Variants in STRBP observed in about 807,000 individuals in gnomAD.
The protein encoded by STRBP is spermatid perinuclear RNA binding protein.
A neutral mutation model predicts 80.1 loss-of-function variants in STRBP; 13 were observed. The observed-to-expected ratio is 0.16, with a 90% CI of 0.11 to 0.26. The LOEUF is 0.26. Ranked by LOEUF, STRBP falls within the 10% of genes least tolerant of loss-of-function variation. STRBP has a pLI of 1.00. For missense variants in STRBP, 485 were observed against 815.2 expected, an observed-to-expected ratio of 0.59 and a Z score of 4.93; for synonymous variants, 284 against 291.2, an observed-to-expected ratio of 0.98 and a Z score of 0.25.
rs1337683834 is a variant in STRBP, at chr9:123,158,032, C to G, written c.1025G>C (p.Trp342Ser). 2 of 1,609,398 alleles carry G rather than the reference C, an allele frequency of 1.2e-6. No individual in the cohort carries two copies. The highest frequency in any genetic ancestry group is 1.7e-6 in the Non-Finnish European group (2 of 1,178,428). Residue 342 changes from tryptophan (W) to serine (S), a missense_variant, in exon 11 of 19, where the codon TGG becomes TCG. Trp to Ser is a radical substitution (Grantham distance 177). Transcript: ENST00000348403. ...CTCACCTTCTTTATCAGTAACTGACCAGGAATACTTCTGAAAAGGCTTACT... is the reference window on the plus strand; with the variant it reads ...CTCACCTTCTTTATCAGTAACTGACGAGGAATACTTCTGAAAAGGCTTACT... ...PSSKPFQKYS[W>S]SVTDKEGAGS... is the part of the protein sequence containing the mutation.
At chr9:123,252,813 C>G (rs2040944769) in intron 1 of STRBP, among the ~76,000 whole-genome samples, 1 of 152,092 alleles carries the variant, frequency 6.6e-6, no homozygotes, top group Non-Finnish European at 1.5e-5. Context: ...TTACCCAAAG[C>G]CAGCATATTT....
chr9:123,172,591 C>T (rs1323144934), intron 5 of STRBP, among the ~76,000 whole-genome samples: 1 of 152,104 alleles, frequency 6.6e-6, no homozygotes, highest in Non-Finnish European at 1.5e-5. Context: ...TGTTCTGTCA[C>T]TTTAAAAACC....
intron 2 of STRBP, among the ~76,000 whole-genome samples, chr9:123,218,366 T>TTC: frequency 7.1e-6 from 1 of 140,862 alleles, no homozygotes; most frequent in Admixed American, 7.0e-5. Flanking sequence ...TTTTTTTTTT[T>TTC]TTTTTTTTTT....
At chr9:123,178,443 T>C (rs2038315257) in intron 4 of STRBP, among the ~76,000 whole-genome samples, 2 of 152,220 alleles carry the variant, frequency 1.3e-5, no homozygotes, top group South Asian at 4.1e-4. Flanking sequence ...ACACTTAGAA[T>C]ATGCTACTAT....
intron 6 of STRBP, among the ~76,000 whole-genome samples, chr9:123,163,154 T>TG (rs1237297523): frequency 6.6e-6 from 1 of 152,132 alleles, no homozygotes; most frequent in Non-Finnish European, 1.5e-5. Context: ...AGGGAGACAA[T>TG]GGAAGAGGGA....
At chr9:123,246,738 AG>A (rs936572791) in intron 1 of STRBP, among the ~76,000 whole-genome samples, 10 of 152,252 alleles carry the variant, frequency 6.6e-5, no homozygotes, top group African/African-American at 2.2e-4. Context: ...AGCTATTCAA[AG>A]GAAAATTGTA....
At chr9:123,211,157 A>G (rs1389698241) in intron 2 of STRBP, among the ~76,000 whole-genome samples, 2 of 152,244 alleles carry the variant, frequency 1.3e-5, no homozygotes, top group South Asian at 4.1e-4. Context: ...ATTCACAGGT[A>G]AATGAATTAA....
chr9:123,245,569 G>A (rs2040783932), intron 1 of STRBP, among the ~76,000 whole-genome samples: 1 of 152,132 alleles, frequency 6.6e-6, no homozygotes, highest in Non-Finnish European at 1.5e-5. Context: ...TTTTAGTAGA[G>A]ATGGGGTTTC....
chr9:123,152,688 G>C (rs953164385), intron 11 of STRBP, among the ~76,000 whole-genome samples: 1 of 152,106 alleles, frequency 6.6e-6, no homozygotes, highest in Non-Finnish European at 1.5e-5. Flanking sequence ...AAATTATGGA[G>C]ATGGGTAAAT....
At chr9:123,148,225 G>C (rs1308075261) in intron 11 of STRBP, among the ~76,000 whole-genome samples, 1 of 152,146 alleles carries the variant, frequency 6.6e-6, no homozygotes, top group Non-Finnish European at 1.5e-5. Flanking sequence ...AAGGTGATTA[G>C]GTTATGAGGG....
chr9:123,155,052 G>T (rs147966519), intron 11 of STRBP, among the ~76,000 whole-genome samples: 47 of 152,322 alleles, frequency 3.1e-4, no homozygotes, highest in Non-Finnish European at 5.4e-4. Flanking sequence ...GAGGGGATGT[G>T]ATAGTGGGTA....
At chr9:123,211,411 TTC>T (rs1287278869) in intron 2 of STRBP, among the ~76,000 whole-genome samples, 1 of 152,170 alleles carries the variant, frequency 6.6e-6, no homozygotes, top group Non-Finnish European at 1.5e-5. Context: ...CAGGTTTGAA[TTC>T]TGTCGAGGAA....
At chr9:123,216,632 G>A (rs994600620) in intron 2 of STRBP, among the ~76,000 whole-genome samples, 1 of 152,138 alleles carries the variant, frequency 6.6e-6, no homozygotes, top group African/African-American at 2.4e-5. Flanking sequence ...TCCTGACCAC[G>A]ATTCATTCTA....
chr9:123,170,220 C>T (rs1184643622), intron 5 of STRBP, among the ~76,000 whole-genome samples, 174 bp from the exon 6 acceptor site: 2 of 152,130 alleles, frequency 1.3e-5, no homozygotes, highest in Non-Finnish European at 2.9e-5. Context: ...TCTCTCCTCC[C>T]AACTTACAAG....
intron 5 of STRBP, among the ~76,000 whole-genome samples, chr9:123,172,073 G>A (rs72616644): frequency 0.088 from 13,409 of 152,250 alleles, 1,695 homozygotes; most frequent in East Asian, 0.61. Context: ...TTCAAAACAG[G>A]AGAGATGTGA....
downstream of STRBP, among the ~76,000 whole-genome samples, chr9:123,119,743 C>T (rs117988419): frequency 0.016 from 2,489 of 152,230 alleles, 36 homozygotes; most frequent in South Asian, 0.07. Flanking sequence ...TCACTGAGTA[C>T]GTACTCTGCA....
intron 1 of STRBP, among the ~76,000 whole-genome samples, chr9:123,256,436 A>G (rs10985915): frequency 0.3 from 44,885 of 152,084 alleles, 13,726 homozygotes; most frequent in African/African-American, 0.79. Flanking sequence ...GCGACGTTAG[A>G]GGAAATAACA....
intron 3 of STRBP, among the ~76,000 whole-genome samples, chr9:123,179,576 G>T (rs2038367166): frequency 6.6e-6 from 1 of 151,928 alleles, no homozygotes; most frequent in Non-Finnish European, 1.5e-5. Flanking sequence ...AGGAGTTTGA[G>T]GCCAGCCTGG....
chr9:123,267,779 C>G (rs2041304505), intron 1 of STRBP, among the ~76,000 whole-genome samples: 2 of 151,350 alleles, frequency 1.3e-5, no homozygotes, highest in African/African-American at 4.9e-5. Flanking sequence ...TCCAGTCCTG[C>G]TCGAGTCCCC....
Sources: allele counts gnomAD v4.1 joint callset (sites outside exome capture counted in the v4.1 genomes callset), GRCh38; gene constraint gnomAD v4.1.1; transcripts MANE v1.5; gene names NCBI Gene and HGNC (gene_info 2026-07-23, HGNC 2026-07-21).